SULT6B1: variants seen among roughly 807,000 people sequenced by gnomAD.
The protein encoded by SULT6B1 is sulfotransferase family 6B member 1, also known as sulfotransferase 6B1.
A neutral mutation model predicts 37.2 loss-of-function variants in SULT6B1; 44 were observed. The observed-to-expected ratio is 1.18, with a 90% CI of 0.93 to 1.52. The LOEUF is 1.52. SULT6B1 is among the 40% of genes most tolerant of loss of function. The pLI is 0.00. For missense variants in SULT6B1, 450 were observed against 361.0 expected, an observed-to-expected ratio of 1.25 and a Z score of -2.00; for synonymous variants, 140 against 126.0, an observed-to-expected ratio of 1.11 and a Z score of -0.74.
At chr2:37,189,161 T>C (rs900869269), upstream of SULT6B1, among the ~76,000 whole-genome samples, 1 of 152,202 alleles carries the variant, frequency 6.6e-6, no homozygotes, top group African/African-American at 2.4e-5. Flanking sequence ...TACACAAGTC[T>C]AAAGACCTGA....
At chr2:37,194,488 G>A in intron 1 of SULT6B1, 2 of 409,692 alleles carry the variant, frequency 4.9e-6, no homozygotes, top group Admixed American at 5.5e-5. Context: ...GCTGCACGCG[G>A]ATACGGTACG....
intron 4 of SULT6B1, among the ~76,000 whole-genome samples, chr2:37,178,990 T>C (rs1485002649): frequency 6.6e-6 from 1 of 152,018 alleles, no homozygotes; most frequent in Non-Finnish European, 1.5e-5. Flanking sequence ...TGAGACAGAG[T>C]CTCGCTTTGC....
intron 3 of SULT6B1, among the ~76,000 whole-genome samples, chr2:37,183,095 A>AT (rs1300056153): frequency 2.0e-5 from 3 of 152,188 alleles, no homozygotes; most frequent in African/African-American, 4.8e-5. Flanking sequence ...GAAAGGAACA[A>AT]TTTTTTTCTC....
At chr2:37,187,187 G>A (rs771572215) in intron 2 of SULT6B1, among the ~76,000 whole-genome samples, 168 bp downstream of exon 2, 6 of 152,176 alleles carry the variant, frequency 3.9e-5, no homozygotes, top group Non-Finnish European at 8.8e-5. Context: ...AGGTTATTTT[G>A]CAGAAAATGA....
intron 6 of SULT6B1, 21 bp from the exon 7 acceptor site, chr2:37,168,086 T>G: frequency 8.3e-6 from 13 of 1,557,396 alleles, no homozygotes; most frequent in Non-Finnish European, 1.1e-5. Flanking sequence ...CAAAAAACAG[T>G]AGACCCAGAT....
At chr2:37,193,445 GA>G (rs1271536236), upstream of SULT6B1, among the ~76,000 whole-genome samples, 4 of 151,942 alleles carry the variant, frequency 2.6e-5, no homozygotes, top group East Asian at 7.7e-4. Context: ...CCGGGTGACA[GA>G]GTGAGACTCT....
intron 4 of SULT6B1, among the ~76,000 whole-genome samples, chr2:37,175,484 T>G (rs538868373): frequency 6.6e-6 from 1 of 152,226 alleles, no homozygotes; most frequent in Admixed American, 6.5e-5. Flanking sequence ...TTATAAAAAC[T>G]ATAAGACATT....
At chr2:37,193,151 A>G (rs1676815556), upstream of SULT6B1, among the ~76,000 whole-genome samples, 3 of 152,108 alleles carry the variant, frequency 2.0e-5, no homozygotes, top group Admixed American at 2.0e-4. Context: ...GCTGCATGGG[A>G]GGCTTATTTA....
At chr2:37,178,864 A>G (rs563648963) in intron 4 of SULT6B1, among the ~76,000 whole-genome samples, 5 of 152,342 alleles carry the variant, frequency 3.3e-5, no homozygotes, top group Admixed American at 3.3e-4. Flanking sequence ...GGTTTTCTAC[A>G]TCACTCACTG....
rs746670069 is a variant in SULT6B1 at position 37,187,380 on chromosome 2, T to C, written c.287A>G (p.Glu96Gly). ...KYKYPEFPVL[E>G]CGDSEKYQRM... ...CTGATATTTTTCTGAATCCCCACAT[T>C]CAAGAACTGGGAATTCTGGATATTT... Residue 96 changes from glutamate to glycine, a missense_variant, in exon 2 of 7, where the codon GAA becomes GGA. Transcript: ENST00000535679. 1.9e-6 allele frequency: 3 copies of C among 1,604,360 alleles called. No individual in the cohort carries two copies. The highest frequency in any genetic ancestry group is 2.6e-6 in the Non-Finnish European group (3 of 1,172,570).
intron 5 of SULT6B1, among the ~76,000 whole-genome samples, chr2:37,173,846 C>A (rs1419719964): frequency 1.3e-5 from 2 of 152,218 alleles, no homozygotes; most frequent in Non-Finnish European, 2.9e-5. Context: ...TACAGCCCTC[C>A]CAGCATTTGC....
At chr2:37,177,334 C>CGTGA (rs1255730343) in intron 4 of SULT6B1, among the ~76,000 whole-genome samples, 3 of 142,966 alleles carry the variant, frequency 2.1e-5, no homozygotes, top group Non-Finnish European at 3.0e-5. Flanking sequence ...CTGAGGACCA[C>CGTGA]GTGAGCCCAG....
intron 2 of SULT6B1, 32 bp from the exon 3 acceptor site, chr2:37,183,546 G>GCACA: frequency 6.6e-7 from 1 of 1,517,778 alleles, no homozygotes; most frequent in Non-Finnish European, 9.2e-7. Flanking sequence ...GTGAAAATGT[G>GCACA]CACGTGTGTG....
intron 6 of SULT6B1, among the ~76,000 whole-genome samples, chr2:37,170,838 C>T (rs1676280295): frequency 6.6e-6 from 1 of 151,780 alleles, no homozygotes; most frequent in Admixed American, 6.6e-5. Flanking sequence ...TGCCCACTCA[C>T]TATCTCCTAT....
intron 5 of SULT6B1, among the ~76,000 whole-genome samples, chr2:37,173,803 C>A (rs1676356212): frequency 6.6e-6 from 1 of 152,232 alleles, no homozygotes; most frequent in Non-Finnish European, 1.5e-5. Flanking sequence ...GAGCCACCAT[C>A]TTCCTTTGCC....
In SULT6B1 at chr2:37,171,538, G is replaced by C; in HGVS notation, c.677C>G (p.Thr226Ser). The C allele has an allele frequency of 6.2e-7, 1 of 1,614,160 alleles. No homozygotes were observed. Among genetic ancestry groups the C allele is most frequent in the Non-Finnish European group, 8.5e-7 (1 of 1,180,010 alleles). Residue 226 changes from threonine (T) to serine (S), a missense_variant, in exon 6 of 7, where the codon ACT becomes AGT. Transcript: ENST00000535679. ...TGAGATAGTTTGAATTTGCTCCCCA[G>C]TTAGAAAGAATCCCAAGAACTCAGC... ...QIAEFLGFFL[T>S]GEQIQTISVQ...
intron 5 of SULT6B1, among the ~76,000 whole-genome samples, chr2:37,172,137 A>C (rs77219433): frequency 0.023 from 3,528 of 151,784 alleles, 66 homozygotes; most frequent in Middle Eastern, 0.058. Context: ...TGCAGCCTGG[A>C]CTTCCTGGGC....
rs752272677 is a variant in SULT6B1 at position 37,183,428 on chromosome 2, G to C, written c.399C>G (p.Ala133=). Residue 133 remains alanine, a synonymous_variant, in exon 3 of 7, where the codon GCC becomes GCG. Transcript: ENST00000535679. The part of the protein sequence containing the change: ...KLPGSIFENK[A]KILVIFRNPK... ...ATCAGTAGGAAAGGACACTCACCTT[G>C]GCTTTATTCTCGAAGATAGACCCAG... 2.1e-5 allele frequency: 34 copies of C among 1,612,820 alleles called. No individual in the cohort carries two copies. Among genetic ancestry groups the C allele is most frequent in the Non-Finnish European group, 2.5e-5 (29 of 1,179,016 alleles).
At chr2:37,177,748 C>T (rs1365064387) in intron 4 of SULT6B1, among the ~76,000 whole-genome samples, 1 of 152,120 alleles carries the variant, frequency 6.6e-6, no homozygotes, top group Non-Finnish European at 1.5e-5. Flanking sequence ...AATTGTGTGA[C>T]ATGATAGATA....
Sources: allele counts gnomAD v4.1 joint callset (sites outside exome capture counted in the v4.1 genomes callset), GRCh38; gene constraint gnomAD v4.1.1; transcripts MANE v1.5; gene names NCBI Gene and HGNC (gene_info 2026-07-23, HGNC 2026-07-21).